The following ZNF609 variants were observed in gnomAD, a reference collection of about 807,000 sequenced individuals.
ZNF609 encodes zinc finger protein 609.
In ZNF609, 11 loss-of-function variants were observed where a neutral mutation model predicts 109.5. The observed-to-expected ratio is 0.10, with a 90% confidence interval of 0.06 to 0.17. The LOEUF is 0.17. Ranked by LOEUF, ZNF609 falls within the 10% of genes least tolerant of loss-of-function variation. ZNF609 has a pLI of 1.00. For synonymous variants in ZNF609, 646 were observed against 662.0 expected (o/e 0.98, Z 0.37); for missense variants, 1,559 against 1,772.4 (o/e 0.88, Z 2.16).
At position 64,577,071 on chromosome 15, in the gene ZNF609, T is replaced by TACACAAGTATATACATATATATATATAC. The variant is rs1894984746; in HGVS notation, c.748-45750_748-45749insGTATATACATATATATATATACACACAA. Among the ~76,000 whole-genome samples, 5 of 47,736 alleles carry TACACAAGTATATACATATATATATATAC rather than the reference T, an allele frequency of 1.0e-4. 1 individual carries two copies. In the Admixed American group the frequency reaches 1.1e-3, roughly 11 times the overall value. The allele number at this position is 47,736 out of a possible 152,430, so 31.3% of individuals were successfully genotyped here. ...ATAAATATATACATATATGTATATATACACAAATATATACATATATGTATA... is the reference window on the plus strand; with the variant it reads ...ATAAATATATACATATATGTATATATACACAAGTATATACATATATATATATACACACAAATATATACATATATGTATA... On this transcript the variant is annotated intron_variant, in intron 2 of 9. Coordinates refer to ENST00000326648, the MANE Select transcript of ZNF609 (RefSeq NM_015042.2).
At chr15:64,664,656 G>A (rs963560338) in intron 3 of ZNF609, among the ~76,000 whole-genome samples, 2 of 152,074 alleles carry the variant, frequency 1.3e-5, no homozygotes, top group East Asian at 1.9e-4. Context: ...GTCTCAACTC[G>A]GAACCTTGCA....
At chr15:64,651,634 C>A (rs892622630) in intron 3 of ZNF609, among the ~76,000 whole-genome samples, 10 of 152,174 alleles carry the variant, frequency 6.6e-5, no homozygotes, top group African/African-American at 2.4e-4. Flanking sequence ...TGTGGGGGTT[C>A]CCCAGCCAGT....
At chr15:64,531,457 C>T (rs921852343) in intron 2 of ZNF609, among the ~76,000 whole-genome samples, 3 of 152,100 alleles carry the variant, frequency 2.0e-5, no homozygotes, top group African/African-American at 7.2e-5. Context: ...AGTGCAGTGG[C>T]GACAATCATG....
At chr15:64,569,274 C>G (rs1894824941) in intron 2 of ZNF609, among the ~76,000 whole-genome samples, 1 of 152,162 alleles carries the variant, frequency 6.6e-6, no homozygotes, top group Non-Finnish European at 1.5e-5. Context: ...TATGGGCTTA[C>G]TTTCTCCTCT....
intron 2 of ZNF609, among the ~76,000 whole-genome samples, chr15:64,552,114 TTCCAG>T: frequency 6.6e-6 from 1 of 152,220 alleles, no homozygotes; most frequent in East Asian, 1.9e-4. Flanking sequence ...AAATATTTTC[TTCCAG>T]TCTGTGGCTT....
Position 64,675,985 on chromosome 15 carries a change from C to T in ZNF609, c.3131C>T (p.Pro1044Leu), listed in dbSNP as rs764172819. The change falls in exon 5 of 10, where the codon CCG becomes CTG. Residue 1044 changes from proline (P) to leucine (L), a missense_variant. Pro to Leu is a moderately conservative substitution (Grantham distance 98, BLOSUM62 -3). Coordinates refer to ENST00000326648, the MANE Select transcript of ZNF609 (RefSeq NM_015042.2). ...AALKEEWKQK[P>L]SIPPTLTKAP... ...CTCAAGGAAGAGTGGAAGCAAAAGCCGTCAATTCCACCAACTCTCACCAAG... is the reference window on the plus strand; with the variant it reads ...CTCAAGGAAGAGTGGAAGCAAAAGCTGTCAATTCCACCAACTCTCACCAAG... 66 of 1,614,048 alleles carry T rather than the reference C, an allele frequency of 4.1e-5. No homozygotes were observed. The East Asian group carries it at 7.6e-4, about 19-fold the overall frequency.
intron 2 of ZNF609, among the ~76,000 whole-genome samples, chr15:64,504,472 C>G (rs1209206302): frequency 6.6e-6 from 1 of 151,920 alleles, no homozygotes; most frequent in Non-Finnish European, 1.5e-5. Context: ...TTGTTATTTT[C>G]TTAGTATTAT....
intron 3 of ZNF609, among the ~76,000 whole-genome samples, chr15:64,660,061 C>T (rs900293768): frequency 1.3e-5 from 2 of 152,114 alleles, no homozygotes; most frequent in Non-Finnish European, 2.9e-5. Context: ...TCTTGAACTC[C>T]TGACCTCAGG....
chr15:64,674,710 C>A lies in ZNF609; in HGVS notation c.1856C>A (p.Thr619Lys). 6.2e-7 allele frequency: 1 copy of A among 1,614,088 alleles called. No individual in the cohort carries two copies. Residue 619 changes from threonine to lysine, a missense_variant, in exon 5 of 10, where the codon ACA becomes AAA. By Grantham distance (78) the Thr-to-Lys change is moderately conservative. This residue lies in a region of ZNF609 where 1,204 missense variants were observed against 1,314.1 expected (regional missense o/e 0.92). Transcript: ENST00000326648. Reference sequence around the variant, plus strand: ...GATGGACCCTCAGTGATGGATGAAACAAGCAATGATGCCTTTGATTCTTTA... The same window carrying A: ...GATGGACCCTCAGTGATGGATGAAAAAAGCAATGATGCCTTTGATTCTTTA... ...SDDGPSVMDETSNDAFDSLER... is the reference protein window; with the variant it reads ...SDDGPSVMDEKSNDAFDSLER...
At chr15:64,586,919 A>G (rs1895208548) in intron 2 of ZNF609, among the ~76,000 whole-genome samples, 1 of 152,180 alleles carries the variant, frequency 6.6e-6, no homozygotes, top group African/African-American at 2.4e-5. Context: ...TAATGTGGCA[A>G]CCTGTGGCTC....
intron 3 of ZNF609, 130 bp from the exon 4 acceptor site, chr15:64,670,216 A>G (rs1039504310): frequency 4.2e-6 from 3 of 711,672 alleles, no homozygotes; most frequent in Non-Finnish European, 7.6e-6. Flanking sequence ...GCCCAATCCT[A>G]TTTGTCCCAT....
chr15:64,494,596 A>C (rs1212132904), intron 1 of ZNF609, among the ~76,000 whole-genome samples: 3 of 152,006 alleles, frequency 2.0e-5, no homozygotes, highest in Admixed American at 6.6e-5. Context: ...GCTGGAGTGC[A>C]ATGGTGCAAT....
intron 1 of ZNF609, among the ~76,000 whole-genome samples, chr15:64,479,116 A>G (rs369764781): frequency 6.6e-5 from 10 of 152,170 alleles, no homozygotes; most frequent in African/African-American, 1.4e-4. Flanking sequence ...TCGTAACACT[A>G]TCTGACACAG....
At chr15:64,636,860 G>A (rs1240272456) in intron 3 of ZNF609, among the ~76,000 whole-genome samples, 1 of 152,132 alleles carries the variant, frequency 6.6e-6, no homozygotes, top group African/African-American at 2.4e-5. Flanking sequence ...CCAGCCACTT[G>A]TCTACAGGAG....
intron 2 of ZNF609, among the ~76,000 whole-genome samples, chr15:64,570,427 G>T (rs1894842620): frequency 1.3e-5 from 2 of 152,154 alleles, no homozygotes; most frequent in Admixed American, 1.3e-4. Flanking sequence ...ACAGTTCCTG[G>T]TGGCCTTGCT....
At chr15:64,511,437 C>T (rs974212151) in intron 2 of ZNF609, among the ~76,000 whole-genome samples, 18 of 147,672 alleles carry the variant, frequency 1.2e-4, no homozygotes, top group African/African-American at 2.5e-4. Context: ...GCTGAGAACA[C>T]GCCACTGCAC....
intron 2 of ZNF609, chr15:64,529,490 T>C (rs1894023161): frequency 4.5e-6 from 5 of 1,105,138 alleles, no homozygotes; most frequent in Non-Finnish European, 6.8e-6. Flanking sequence ...TTCTCAGCCT[T>C]GACGGTGCCA....
In ZNF609 at chr15:64,685,906, C is replaced by CT. The variant is rs1475325793; in HGVS notation, c.*4220_*4221insT. On this transcript the variant is annotated 3_prime_UTR_variant, in exon 10 of 10. Transcript: ENST00000326648. ...GGTATACTCTGAAACACAGCCCAAC[C>CT]AAACCATTGTTTGGCCGCTTTCTCT... 6.6e-6 allele frequency: 1 copy of CT among 152,212 alleles called. No individual in the cohort carries two copies. The highest frequency in any genetic ancestry group is 1.9e-4 in the East Asian group (1 of 5,202). 9.4% of individuals were successfully genotyped at this position (152,212 alleles called of 1,614,324 possible).
At chr15:64,579,708 A>AG (rs1895063363) in intron 2 of ZNF609, among the ~76,000 whole-genome samples, 3 of 60,642 alleles carry the variant, frequency 4.9e-5, no homozygotes, top group Admixed American at 2.6e-4. Flanking sequence ...AAACAAACAA[A>AG]CAAAAAAAAA....
Sources: gnomAD v4.1 joint callset for allele counts (sites outside exome capture counted in the v4.1 genomes callset) on GRCh38, gnomAD v4.1.1 for gene constraint, gnomAD v4.1.1 regional missense constraint, MANE v1.5 for transcripts, NCBI Gene and HGNC (gene_info 2026-07-23, HGNC 2026-07-21) for gene names.